Variants in CNTNAP2 observed in about 807,000 individuals in gnomAD.
CNTNAP2 encodes contactin-associated protein-like 2.
CNTNAP2 carries 98 observed loss-of-function variants against 155.2 expected under a neutral mutation model. The observed-to-expected ratio is 0.63, with a 90% CI of 0.54 to 0.75. CNTNAP2 has a LOEUF of 0.75. Among genes scored for constraint, CNTNAP2 ranks in the 30% least tolerant of loss-of-function variants. CNTNAP2 has a pLI of 0.00. For synonymous variants in CNTNAP2, 651 were observed against 631.2 expected (o/e 1.03, Z -0.47); for missense variants, 1,727 against 1,688.1 (o/e 1.02, Z -0.40).
rs71527812 is a variant in CNTNAP2 at position 147,469,506 on chromosome 7, A to ATTTTTTTTTTTTTT, written c.1671-16416_1671-16403dup. Among the ~76,000 whole-genome samples the ATTTTTTTTTTTTTT allele has an allele frequency of 4.2e-3, 329 of 79,084 alleles. 49 individuals carry two copies. Among genetic ancestry groups the ATTTTTTTTTTTTTT allele is most frequent in the East Asian group, 0.011 (23 of 2,170 alleles). 51.9% of individuals were successfully genotyped at this position (79,084 alleles called of 152,430 possible). A position where few individuals can be genotyped will look rare whatever the true frequency, so the allele number is the denominator to read the frequency against. ...CAGAGCACCAGGATGTCAGGCTGCA[A>ATTTTTTTTTTTTTT]TTTTTTTTTTTTTTTTTTTTTTTTT... On this transcript the variant is annotated intron_variant, in intron 10 of 23. Transcript: ENST00000361727.
At chr7:146,681,922 CACA>C (rs1305919979) in intron 1 of CNTNAP2, among the ~76,000 whole-genome samples, 1 of 151,996 alleles carries the variant, frequency 6.6e-6, no homozygotes, top group Non-Finnish European at 1.5e-5. Context: ...CTAAGTATTC[CACA>C]TAGTATTTCA....
chr7:147,798,901 G>C (rs528374710), intron 13 of CNTNAP2, among the ~76,000 whole-genome samples: 2 of 152,290 alleles, frequency 1.3e-5, no homozygotes, highest in South Asian at 4.1e-4. Context: ...CTCTGATGAA[G>C]TCTAACCGTG....
intron 3 of CNTNAP2, among the ~76,000 whole-genome samples, chr7:147,001,258 C>T (rs554651040): frequency 3.0e-4 from 45 of 152,016 alleles, no homozygotes; most frequent in South Asian, 2.3e-3. Flanking sequence ...GGATAGTTGT[C>T]GAAATTGATG....
At chr7:147,517,539 A>G (rs1429932378) in intron 11 of CNTNAP2, among the ~76,000 whole-genome samples, 3 of 152,238 alleles carry the variant, frequency 2.0e-5, no homozygotes, top group Non-Finnish European at 4.4e-5. Flanking sequence ...ATTTCTGAAA[A>G]TGCACAATAA....
At chr7:147,948,979 A>C (rs1800871959) in intron 14 of CNTNAP2, among the ~76,000 whole-genome samples, 1 of 152,044 alleles carries the variant, frequency 6.6e-6, no homozygotes. Flanking sequence ...AGGCGGGTGG[A>C]TCACCTGAGG....
Position 147,482,720 on chromosome 7 carries a change from CAATAAATAAATAAATAAATA to C in CNTNAP2, c.1671-3193_1671-3174del, listed in dbSNP as rs71527814. ...TGGGCGACTGAGCGAGATTCCGTCT[CAATAAATAAATAAATAAATA>C]AATAAATAAATAAATAAATAATCGG... On this transcript the variant is annotated intron_variant, in intron 10 of 23. Coordinates refer to ENST00000361727, the MANE Select transcript of CNTNAP2 (RefSeq NM_014141.6). Among the ~76,000 whole-genome samples, 295 of 138,310 alleles carry C rather than the reference CAATAAATAAATAAATAAATA, an allele frequency of 2.1e-3. 4 individuals carry two copies. Among genetic ancestry groups the C allele is most frequent in the African/African-American group, 7.4e-3 (271 of 36,534 alleles). 90.7% of individuals were successfully genotyped at this position (138,310 alleles called of 152,430 possible).
At chr7:147,532,190 T>A (rs575002270) in intron 11 of CNTNAP2, among the ~76,000 whole-genome samples, 2 of 152,270 alleles carry the variant, frequency 1.3e-5, no homozygotes, top group East Asian at 3.9e-4. Context: ...TGAATGCCTT[T>A]AACAGTACCT....
At chr7:147,633,007 G>T (rs1795113629) in intron 12 of CNTNAP2, among the ~76,000 whole-genome samples, 2 of 152,336 alleles carry the variant, frequency 1.3e-5, no homozygotes, top group African/African-American at 4.8e-5. Context: ...AGGTAGAAAA[G>T]AAAACTCCGT....
intron 15 of CNTNAP2, among the ~76,000 whole-genome samples, chr7:148,061,166 A>G (rs1345519264): frequency 2.6e-5 from 4 of 152,184 alleles, no homozygotes; most frequent in Admixed American, 2.6e-4. Context: ...ATAAAATATT[A>G]ACATCAAAAT....
At chr7:146,934,737 A>G (rs11982450) in intron 3 of CNTNAP2, among the ~76,000 whole-genome samples, 1 of 151,980 alleles carries the variant, frequency 6.6e-6, no homozygotes, top group Non-Finnish European at 1.5e-5. Context: ...TTTTCACTGA[A>G]TCATGACCAA....
chr7:146,551,022 T>C (rs1450868381), intron 1 of CNTNAP2, among the ~76,000 whole-genome samples: 2 of 152,084 alleles, frequency 1.3e-5, no homozygotes, highest in East Asian at 3.9e-4. Flanking sequence ...GAAAGTGTGA[T>C]TTGGTAACGT....
intron 15 of CNTNAP2, among the ~76,000 whole-genome samples, chr7:148,072,671 G>C (rs931745159): frequency 1.3e-5 from 2 of 152,170 alleles, no homozygotes; most frequent in East Asian, 3.8e-4. Flanking sequence ...CTCAGCACTA[G>C]TAATACTTTG....
chr7:146,306,502 A>T (rs1800715641), intron 1 of CNTNAP2, among the ~76,000 whole-genome samples: 1 of 152,152 alleles, frequency 6.6e-6, no homozygotes. Flanking sequence ...CCTCAATAAA[A>T]TACTGGCAAA....
chr7:147,438,106 T>C (rs1191789551), intron 10 of CNTNAP2, among the ~76,000 whole-genome samples: 6 of 152,124 alleles, frequency 3.9e-5, no homozygotes, highest in Non-Finnish European at 7.4e-5. Context: ...CGTTTATCTC[T>C]TTCTTTTGTC....
At chr7:146,483,329 A>ATATG (rs1211403922) in intron 1 of CNTNAP2, among the ~76,000 whole-genome samples, 20 of 84,580 alleles carry the variant, frequency 2.4e-4, no homozygotes, top group Non-Finnish European at 3.9e-4. Flanking sequence ...ATATATATAT[A>ATATG]CATATATATA....
rs4726949 is a variant in CNTNAP2, at chr7:148,316,320, T to A, written c.3475+49194T>A. On this transcript the variant is annotated intron_variant, in intron 21 of 23. Coordinates refer to ENST00000361727, the MANE Select transcript of CNTNAP2 (RefSeq NM_014141.6). The stretch of plus-strand genomic sequence containing the variant: ...AACCTGCACGTTGTGCACATGTACC[T>A]TAGAACTTAAAGTATAATAAAAATA... Among the ~76,000 whole-genome samples, 23 of 152,090 alleles carry A rather than the reference T, an allele frequency of 1.5e-4. No individual in the cohort carries two copies. The South Asian group carries it at 4.6e-3, about 30-fold the overall frequency.
At chr7:147,618,758 T>C (rs1350123747) in intron 12 of CNTNAP2, among the ~76,000 whole-genome samples, 1 of 151,678 alleles carries the variant, frequency 6.6e-6, no homozygotes, top group Non-Finnish European at 1.5e-5. Context: ...ACTGGTTACA[T>C]TCTGGAAGGA....
chr7:147,945,868 C>CTTTTTTTTTTTTTTT (rs34305612), intron 14 of CNTNAP2, among the ~76,000 whole-genome samples: 1 of 123,360 alleles, frequency 8.1e-6, no homozygotes, highest in Admixed American at 9.2e-5. Context: ...TTTTCTTTTT[C>CTTTTTTTTTTTTTTT]TTTTTTTTTT....
chr7:147,353,127 A>G (rs1011870648), intron 9 of CNTNAP2, among the ~76,000 whole-genome samples: 18 of 151,868 alleles, frequency 1.2e-4, no homozygotes, highest in Admixed American at 9.9e-4. Context: ...GTATATATAC[A>G]TACATATACG....
Sources: allele counts gnomAD v4.1 joint callset (sites outside exome capture counted in the v4.1 genomes callset), GRCh38; gene constraint gnomAD v4.1.1; transcripts MANE v1.5; gene names NCBI Gene and HGNC (gene_info 2026-07-23, HGNC 2026-07-21).